Variants in ARHGAP21 observed in about 807,000 individuals in gnomAD.
ARHGAP21 encodes rho GTPase-activating protein 21.
In ARHGAP21, 38 loss-of-function variants were observed where a neutral mutation model predicts 164.6. That is an observed-to-expected ratio of 0.23 (90% CI 0.18 to 0.30). ARHGAP21 has a LOEUF of 0.30. Ranked by LOEUF, ARHGAP21 falls within the 10% of genes least tolerant of loss-of-function variation. The pLI is 1.00. For missense variants in ARHGAP21, 1,822 were observed against 2,370.7 expected, an observed-to-expected ratio of 0.77 and a Z score of 4.81; for synonymous variants, 766 against 857.9, an observed-to-expected ratio of 0.89 and a Z score of 1.87.
intron 2 of ARHGAP21, among the ~76,000 whole-genome samples, chr10:24,682,686 ATTTC>A (rs892523184): frequency 6.6e-6 from 1 of 151,678 alleles, no homozygotes; most frequent in East Asian, 1.9e-4. Flanking sequence ...AATTTTAAAG[ATTTC>A]TTTCTCTTTT....
intron 14 of ARHGAP21, 110 bp downstream of exon 14, chr10:24,600,536 A>T: frequency 6.0e-6 from 8 of 1,327,042 alleles, no homozygotes; most frequent in Non-Finnish European, 8.1e-6. Flanking sequence ...TTTACATGAA[A>T]ATAGCACATT....
chr10:24,617,990 C>T (rs1304308322), intron 9 of ARHGAP21, among the ~76,000 whole-genome samples: 1 of 152,090 alleles, frequency 6.6e-6, no homozygotes, highest in East Asian at 1.9e-4. Flanking sequence ...ATGGCGTGCT[C>T]CCTGGAGCTG....
intron 12 of ARHGAP21, 73 bp downstream of exon 12, chr10:24,604,239 T>C (rs1457975021): frequency 1.2e-5 from 12 of 988,038 alleles, no homozygotes; most frequent in Non-Finnish European, 1.7e-5. Context: ...AAATATTAAA[T>C]GTCTACTGGG....
At chr10:24,657,309 G>GC (rs1839146934) in intron 4 of ARHGAP21, among the ~76,000 whole-genome samples, 1 of 38,650 alleles carries the variant, frequency 2.6e-5, no homozygotes, top group African/African-American at 2.2e-4. Flanking sequence ...GGGGGGGTCA[G>GC]CCCCCTCGCC....
intron 4 of ARHGAP21, among the ~76,000 whole-genome samples, chr10:24,656,172 C>T (rs566831276): frequency 7.6e-6 from 1 of 130,854 alleles, no homozygotes; most frequent in African/African-American, 3.0e-5. Context: ...TGGGGGGGGT[C>T]AGCCCCCCGC....
chr10:24,674,860 A>T lies in ARHGAP21; in HGVS notation c.64-4463T>A, dbSNP rs145747978. Among the ~76,000 whole-genome samples, 182 of 152,356 alleles carry T rather than the reference A, an allele frequency of 1.2e-3. 1 individual carries two copies. Among genetic ancestry groups the T allele is most frequent in the South Asian group, 7.3e-3 (35 of 4,826 alleles). On this transcript the variant is annotated intron_variant, in intron 2 of 25. Coordinates refer to ENST00000396432, the MANE Select transcript of ARHGAP21 (RefSeq NM_020824.4). ...ATATATAAAGAACTCTCAAAATTCA[A>T]TAATGGAAATGCAAACTAAAACCAT...
chr10:24,670,358 C>T lies in ARHGAP21; in HGVS notation c.103G>A (p.Val35Ile). ...AATGTTTCATCTTCAGACAGTGATA[C>T]AGTTTCACTTTGTTCTTTTCCATCT... The part of the protein sequence containing the change: ...NKDGKEQSET[V>I]SLSEDETFSW... Residue 35 changes from valine (V) to isoleucine (I), a missense_variant, in exon 3 of 26, where the codon GTA (valine) becomes ATA (isoleucine). This residue lies in a region of ARHGAP21 where 1,090 missense variants were observed against 1,378.9 expected (regional missense o/e 0.79). Coordinates refer to ENST00000396432, the MANE Select transcript of ARHGAP21 (RefSeq NM_020824.4). The T allele has an allele frequency of 1.2e-6, 2 of 1,601,978 alleles. No homozygotes were observed. Among genetic ancestry groups the T allele is most frequent in the Non-Finnish European group, 1.7e-6 (2 of 1,173,726 alleles).
rs12266136 is a variant in ARHGAP21, at chr10:24,628,808, T to C, written c.495+1188A>G. 6.0e-3 allele frequency among the ~76,000 whole-genome samples: 606 copies of C among 100,544 alleles called. 5 individuals carry two copies. The highest frequency in any genetic ancestry group is 0.02 in the African/African-American group (540 of 27,170). 66.0% of individuals were successfully genotyped at this position (100,544 alleles called of 152,430 possible). A position where few individuals can be genotyped will look rare whatever the true frequency, so the allele number is the denominator to read the frequency against. On this transcript the variant is annotated intron_variant, in intron 7 of 25. Coordinates refer to ENST00000396432, the MANE Select transcript of ARHGAP21 (RefSeq NM_020824.4). ...ACACACATATATACACATATATACA[T>C]ATATATACATATACACACATATATG...
chr10:24,625,050 T>TG (rs57313842), intron 7 of ARHGAP21, among the ~76,000 whole-genome samples: 13 of 770 alleles, frequency 0.017, 1 homozygote, highest in Non-Finnish European at 0.038. Context: ...CTCTAAAAAG[T>TG]GGGGGGGGGG....
Position 24,663,965 on chromosome 10 carries a change from A to G in ARHGAP21, c.268+3020T>C, listed in dbSNP as rs953405303. On this transcript the variant is annotated intron_variant, in intron 4 of 25. Coordinates refer to ENST00000396432, the MANE Select transcript of ARHGAP21 (RefSeq NM_020824.4). ...ATGTGTATAAAGAGGGTACATTACC[A>G]TATACCTCCAGGGAGCAATATCATC... Among the ~76,000 whole-genome samples, 29 of 152,188 alleles carry G rather than the reference A, an allele frequency of 1.9e-4. 1 individual carries two copies. The highest frequency in any genetic ancestry group is 2.9e-5 in the Non-Finnish European group (2 of 68,036).
chr10:24,591,341 TAAAC>T lies in ARHGAP21; in HGVS notation c.4045-15_4045-12del, dbSNP rs778073611. 6.9e-6 allele frequency: 11 copies of T among 1,590,380 alleles called. No individual in the cohort carries two copies. The highest frequency in any genetic ancestry group is 2.7e-5 in the African/African-American group (2 of 74,046). On this transcript the variant is annotated splice_polypyrimidine_tract_variant and intron_variant, in intron 23 of 25. Transcript: ENST00000396432. The stretch of plus-strand genomic sequence containing the variant: ...CTCCTGCACTGTTGTCTATGGTTAA[TAAAC>T]AAAGATCTCTTCATCATCTCTTCAA...
rs1199366308 is a variant in ARHGAP21, at chr10:24,602,243, TA to T, written c.2722-141del. 130 of 901,572 alleles carry T rather than the reference TA, an allele frequency of 1.4e-4. 1 individual carries two copies. Among genetic ancestry groups the T allele is most frequent in the Non-Finnish European group, 2.0e-4 (125 of 624,378 alleles). 55.8% of individuals were successfully genotyped at this position (901,572 alleles called of 1,614,324 possible). On this transcript the variant is annotated intron_variant, in intron 12 of 25. Transcript: ENST00000396432. Reference sequence around the variant, plus strand: ...TTGAAAAATCCTAACTTTATCTTTTTAAAAATTTCTAGTCTCATTTAAAAAA... The same window carrying T: ...TTGAAAAATCCTAACTTTATCTTTTTAAAATTTCTAGTCTCATTTAAAAAA...
In ARHGAP21 at chr10:24,619,831, G is replaced by T; in HGVS notation, c.2064C>A (p.Ala688=). The part of the protein sequence containing the change: ...ETGKSPSLSG[A]SAKPAPQSSE... ...TCGACTGAGGGGCAGGCTTGGCAGAGGCTCCAGATAAAGAGGGGGATTTCC... is the reference window on the plus strand; with the variant it reads ...TCGACTGAGGGGCAGGCTTGGCAGATGCTCCAGATAAAGAGGGGGATTTCC... Residue 688 remains alanine, a synonymous_variant, in exon 9 of 26, where the codon GCC becomes GCA. Transcript: ENST00000396432. 1 of 1,614,168 alleles carries T rather than the reference G, an allele frequency of 6.2e-7. No individual in the cohort carries two copies. Among genetic ancestry groups the T allele is most frequent in the Non-Finnish European group, 8.5e-7 (1 of 1,180,026 alleles).
chr10:24,632,666 C>T (rs1243662583), intron 6 of ARHGAP21, among the ~76,000 whole-genome samples: 1 of 152,196 alleles, frequency 6.6e-6, no homozygotes, highest in Non-Finnish European at 1.5e-5. Context: ...GTTTGGCCAA[C>T]AGAAAGCATT....
Position 24,584,657 on chromosome 10 carries a change from G to T in ARHGAP21, c.5632C>A (p.Pro1878Thr). Residue 1878 changes from proline to threonine, a missense_variant, in exon 26 of 26, where the codon CCA becomes ACA. Around this residue, in one of 5 missense-constraint regions of ARHGAP21, gnomAD observed 165 missense variants for 176.6 expected, o/e 0.93. Coordinates refer to ENST00000396432, the MANE Select transcript of ARHGAP21 (RefSeq NM_020824.4). ...GEIGDPQTENPSTREIATTDT... is the reference protein window; with the variant it reads ...GEIGDPQTENTSTREIATTDT... ...GTCGTGGCTATTTCTCGTGTGCTTG[G>T]GTTCTCTGTCTGGGGATCTCCGATT... The T allele has an allele frequency of 6.2e-7, 1 of 1,613,936 alleles. No individual in the cohort carries two copies. Among genetic ancestry groups the T allele is most frequent in the Admixed American group, 1.7e-5 (1 of 60,018 alleles).
chr10:24,619,036 T>A (rs1201751183), intron 9 of ARHGAP21, among the ~76,000 whole-genome samples: 1 of 152,080 alleles, frequency 6.6e-6, no homozygotes, highest in Non-Finnish European at 1.5e-5. Flanking sequence ...AATGAAGAGG[T>A]CTTTTCTCTC....
intron 7 of ARHGAP21, among the ~76,000 whole-genome samples, chr10:24,625,835 A>C (rs1310203532): frequency 2.0e-5 from 3 of 152,192 alleles, no homozygotes; most frequent in Non-Finnish European, 4.4e-5. Context: ...ATAGAGCAGC[A>C]AAAAAGAACA....
At chr10:24,636,522 C>T (rs1212900304) in intron 4 of ARHGAP21, among the ~76,000 whole-genome samples, 1 of 152,128 alleles carries the variant, frequency 6.6e-6, no homozygotes, top group Non-Finnish European at 1.5e-5. Flanking sequence ...TAACATGATA[C>T]TACTTGTTAA....
intron 4 of ARHGAP21, among the ~76,000 whole-genome samples, chr10:24,658,416 C>T (rs1475058431): frequency 2.0e-5 from 3 of 152,180 alleles, no homozygotes; most frequent in Admixed American, 2.0e-4. Context: ...ATAGCAAAGA[C>T]TTGGAACCAA....
Sources: allele counts gnomAD v4.1 joint callset (sites outside exome capture counted in the v4.1 genomes callset), GRCh38; gene constraint gnomAD v4.1.1; regional missense constraint gnomAD v4.1.1; transcripts MANE v1.5; gene names NCBI Gene and HGNC (gene_info 2026-07-23, HGNC 2026-07-21).